TMEM87B: variants seen among roughly 807,000 people sequenced by gnomAD.
The protein encoded by TMEM87B is transmembrane protein 87B.
In TMEM87B, 83 loss-of-function variants were observed where a neutral mutation model predicts 80.3. The observed-to-expected ratio is 1.03, with a 90% CI of 0.87 to 1.24. The LOEUF (loss-of-function observed/expected upper bound fraction) is 1.24, where lower values mean the gene tolerates loss of function less well. TMEM87B is among the 50% of genes most tolerant of loss of function. The pLI is 0.00. For missense variants in TMEM87B, 625 were observed against 674.4 expected (o/e 0.93, Z 0.81); for synonymous variants, 219 against 230.5 (o/e 0.95, Z 0.45).
intron 8 of TMEM87B, among the ~76,000 whole-genome samples, chr2:112,083,300 C>T (rs1679055029): frequency 6.6e-6 from 1 of 152,144 alleles, no homozygotes; most frequent in Admixed American, 6.5e-5. Context: ...GTGGTGCTGC[C>T]ATATCTAAAG....
At chr2:112,097,562 T>C (rs1679507995) in intron 13 of TMEM87B, among the ~76,000 whole-genome samples, 3 of 151,690 alleles carry the variant, frequency 2.0e-5, no homozygotes, top group Non-Finnish European at 2.9e-5. Context: ...CCGTCTCTAC[T>C]AAAAATACAA....
chr2:112,093,153 G>A (rs1336373208), intron 11 of TMEM87B, among the ~76,000 whole-genome samples: 2 of 152,178 alleles, frequency 1.3e-5, no homozygotes, highest in East Asian at 3.8e-4. Context: ...TTTTTCAGGT[G>A]TGCTGGCAAA....
rs533556745 is a variant in TMEM87B, at chr2:112,117,604, T to A, written c.*1461T>A. On this transcript the variant is annotated 3_prime_UTR_variant, in exon 19 of 19. Coordinates refer to ENST00000283206, the MANE Select transcript of TMEM87B (RefSeq NM_032824.3). Reference sequence around the variant, plus strand: ...GGAAAGTGAACAGTGTTGGCAAACATTACCGAGAAAATCATGCTTTTCAAG... The same window carrying A: ...GGAAAGTGAACAGTGTTGGCAAACAATACCGAGAAAATCATGCTTTTCAAG... The A allele has an allele frequency of 1.3e-5, 2 of 152,054 alleles. No homozygotes were observed. Among genetic ancestry groups the A allele is most frequent in the Non-Finnish European group, 2.9e-5 (2 of 68,000 alleles). The allele number at this position is 152,054 out of a possible 1,614,324, so 9.4% of individuals were successfully genotyped here. A position where few individuals can be genotyped will look rare whatever the true frequency, so the allele number is the denominator to read the frequency against.
intron 4 of TMEM87B, among the ~76,000 whole-genome samples, chr2:112,072,473 C>T (rs1678678642): frequency 6.6e-6 from 1 of 152,112 alleles, no homozygotes. Context: ...TTCAGGGAAT[C>T]AGTTTCTTCC....
At chr2:112,078,208 G>T (rs776426718) in intron 6 of TMEM87B, among the ~76,000 whole-genome samples, 1 of 152,200 alleles carries the variant, frequency 6.6e-6, no homozygotes, top group Admixed American at 6.5e-5. Context: ...TGTTTGTGCT[G>T]CTATAATAGA....
In TMEM87B at chr2:112,059,957, G is replaced by A. The variant is rs151172937; in HGVS notation, c.166-20G>A. On this transcript the variant is annotated intron_variant, in intron 1 of 18. Transcript: ENST00000283206. ...AAAAACTTTCTAACAAGATCTTCCT[G>A]TGTTTGTTTTTCATTTTAGAAATCA... The A allele has an allele frequency of 3.3e-5, 53 of 1,593,418 alleles. No homozygotes were observed. In the East Asian group the frequency reaches 1.1e-3, roughly 34 times the overall value.
chr2:112,101,188 C>G (rs546728097), intron 15 of TMEM87B, among the ~76,000 whole-genome samples: 1 of 152,260 alleles, frequency 6.6e-6, no homozygotes, highest in Admixed American at 6.5e-5. Context: ...AAGGCAACAT[C>G]AATAAGTAAC....
chr2:112,071,370 C>G (rs547129806), intron 4 of TMEM87B, among the ~76,000 whole-genome samples: 33 of 147,800 alleles, frequency 2.2e-4, no homozygotes, highest in African/African-American at 8.2e-4. Flanking sequence ...GGCGCAGTCT[C>G]TGCTCACTGC....
intron 4 of TMEM87B, among the ~76,000 whole-genome samples, chr2:112,072,952 G>A (rs1467750303): frequency 6.8e-6 from 1 of 147,216 alleles, no homozygotes; most frequent in Non-Finnish European, 1.5e-5. Context: ...CAGGCTGGAG[G>A]GCAGTGGTGC....
At position 112,118,143 on chromosome 2, in the gene TMEM87B, G is replaced by C. The variant is rs760033194; in HGVS notation, c.*2000G>C. 5 of 152,156 alleles carry C rather than the reference G, an allele frequency of 3.3e-5. No individual in the cohort carries two copies. The highest frequency in any genetic ancestry group is 7.3e-5 in the Non-Finnish European group (5 of 68,038). The allele number at this position is 152,156 out of a possible 1,614,324, so 9.4% of individuals were successfully genotyped here. On this transcript the variant is annotated 3_prime_UTR_variant, in exon 19 of 19. Transcript: ENST00000283206. Reference sequence around the variant, plus strand: ...AAATACTGTTACTAGAAGGGCATGTGCTGTCTGTCACCTTCAGTAATATTT... The same window carrying C: ...AAATACTGTTACTAGAAGGGCATGTCCTGTCTGTCACCTTCAGTAATATTT...
At position 112,098,698 on chromosome 2, in the gene TMEM87B, G is replaced by A; in HGVS notation, c.1376G>A (p.Arg459Lys). The A allele has an allele frequency of 6.2e-7, 1 of 1,613,698 alleles. No individual in the cohort carries two copies. The highest frequency in any genetic ancestry group is 8.5e-7 in the Non-Finnish European group (1 of 1,179,768). ...TGGAGACCATCAGCAAACAATCAGA[G>A]GTACCTAACATAGGAAATTTCAAGT... ...FLWRPSANNQRYAFMPLIDDS... is the reference protein window; with the variant it reads ...FLWRPSANNQKYAFMPLIDDS... Residue 459 changes from arginine (R) to lysine (K), a missense_variant and splice_region_variant, in exon 14 of 19, where the codon AGA becomes AAA. Arg to Lys is a conservative substitution (Grantham distance 26, BLOSUM62 2). Coordinates refer to ENST00000283206, the MANE Select transcript of TMEM87B (RefSeq NM_032824.3).
At chr2:112,057,922 G>C (rs1412041492) in intron 1 of TMEM87B, among the ~76,000 whole-genome samples, 1 of 151,676 alleles carries the variant, frequency 6.6e-6, no homozygotes, top group Non-Finnish European at 1.5e-5. Flanking sequence ...CCACCTCCCG[G>C]GTTCAGGGGA....
chr2:112,105,471 T>C (rs72829669), intron 15 of TMEM87B, among the ~76,000 whole-genome samples: 18 of 152,328 alleles, frequency 1.2e-4, no homozygotes, highest in Non-Finnish European at 2.2e-4. Context: ...GGAAGTTAAT[T>C]GCCTTGCCCA....
intron 1 of TMEM87B, 97 bp from the exon 2 acceptor site, chr2:112,059,880 G>T: frequency 1.4e-6 from 2 of 1,408,454 alleles, no homozygotes; most frequent in South Asian, 2.8e-5. Flanking sequence ...TTGTCAGAGA[G>T]AGGAGTGCAA....
chr2:112,084,375 C>T (rs1283318386), intron 8 of TMEM87B, among the ~76,000 whole-genome samples: 1 of 152,182 alleles, frequency 6.6e-6, no homozygotes, highest in African/African-American at 2.4e-5. Flanking sequence ...ACATATATAT[C>T]CAGTCACCTA....
chr2:112,062,584 C>T (rs1274791005), intron 2 of TMEM87B, among the ~76,000 whole-genome samples: 1 of 152,218 alleles, frequency 6.6e-6, no homozygotes, highest in African/African-American at 2.4e-5. Context: ...AAAATCCAAG[C>T]AGGCTTTTTG....
At chr2:112,061,311 C>G (rs1042346601) in intron 2 of TMEM87B, among the ~76,000 whole-genome samples, 2 of 152,166 alleles carry the variant, frequency 1.3e-5, no homozygotes, top group Non-Finnish European at 2.9e-5. Flanking sequence ...GGATAAGGAG[C>G]AGTTTTTTGC....
Position 112,097,270 on chromosome 2 carries a change from T to G in TMEM87B, c.1251T>G (p.Phe417Leu). The change falls in exon 13 of 19, where the codon TTT (phenylalanine) becomes TTG (leucine). Residue 417 changes from phenylalanine (F) to leucine (L), a missense_variant. Transcript: ENST00000283206. ...TTATGGGGTGGACAACTAAGACATT[T>G]AGAATTGCAAAATGCCAATCAGTAA... ...IVFMGWTTKTFRIAKCQSDWM... is the reference protein window; with the variant it reads ...IVFMGWTTKTLRIAKCQSDWM... 6.2e-7 allele frequency: 1 copy of G among 1,606,664 alleles called. No homozygotes were observed. The highest frequency in any genetic ancestry group is 8.5e-7 in the Non-Finnish European group (1 of 1,178,088).
intron 6 of TMEM87B, among the ~76,000 whole-genome samples, chr2:112,080,329 G>T (rs755297045): frequency 2.0e-5 from 3 of 151,288 alleles, no homozygotes; most frequent in African/African-American, 7.3e-5. Context: ...GCGTGATCTC[G>T]GCTCACTGCA....
Sources: gnomAD v4.1 joint callset for allele counts (sites outside exome capture counted in the v4.1 genomes callset) on GRCh38, gnomAD v4.1.1 for gene constraint, MANE v1.5 for transcripts, NCBI Gene and HGNC (gene_info 2026-07-23, HGNC 2026-07-21) for gene names.